TRMT11: variants seen among roughly 807,000 people sequenced by gnomAD.
The protein encoded by TRMT11 is tRNA (guanine(10)-N(2))-methyltransferase TRMT11.
In TRMT11, 53 loss-of-function variants were observed where a neutral mutation model predicts 62.8. The ratio of observed to expected loss-of-function variants is 0.84; its 90% CI spans 0.68 to 1.06. The LOEUF is 1.06. Ranked by LOEUF, TRMT11 falls within the 50% of genes least tolerant of loss-of-function variation. TRMT11 has a pLI of 0.00. For synonymous variants in TRMT11, 188 were observed against 190.3 expected (o/e 0.99, Z 0.10); for missense variants, 556 against 553.4 (o/e 1.00, Z -0.05).
downstream of TRMT11, among the ~76,000 whole-genome samples, chr6:126,203,927 G>GTT (rs1393590153): frequency 4.2e-5 from 6 of 141,890 alleles, no homozygotes; most frequent in African/African-American, 1.9e-4. Context: ...TTTTGTGTGT[G>GTT]TGTGTGTGTG....
chr6:126,095,673 G>A (rs937337735), intron 17 of TRMT11, among the ~76,000 whole-genome samples: 2 of 152,116 alleles, frequency 1.3e-5, no homozygotes, highest in Non-Finnish European at 2.9e-5. Context: ...GAGGAGGGGA[G>A]AGAAACCAAA....
chr6:126,055,745 C>T (rs1014540418), intron 17 of TRMT11, among the ~76,000 whole-genome samples: 2 of 152,154 alleles, frequency 1.3e-5, no homozygotes, highest in African/African-American at 4.8e-5. Context: ...TATGTTTCCT[C>T]CCATAAAGTT....
the TRMT11 span, among the ~76,000 whole-genome samples, chr6:126,232,423 T>C: frequency 1.3e-5 from 2 of 151,918 alleles, no homozygotes; most frequent in Non-Finnish European, 2.9e-5. Context: ...TTTTTTTTTT[T>C]CTGGTATCTT....
intron 11 of TRMT11, among the ~76,000 whole-genome samples, chr6:126,017,531 C>T (rs545723802): frequency 4.3e-4 from 66 of 152,190 alleles, no homozygotes; most frequent in Non-Finnish European, 8.8e-5. Context: ...TTGCCAGCAT[C>T]AAGATACTCT....
chr6:126,144,293 G>T (rs1364640015), intron 21 of TRMT11, among the ~76,000 whole-genome samples: 1 of 152,078 alleles, frequency 6.6e-6, no homozygotes, highest in African/African-American at 2.4e-5. Flanking sequence ...ACTTCCACAG[G>T]GCTAACATCC....
chr6:126,161,421 T>C (rs1417707167), intron 21 of TRMT11, among the ~76,000 whole-genome samples: 1 of 152,248 alleles, frequency 6.6e-6, no homozygotes, highest in Non-Finnish European at 1.5e-5. Context: ...TCATTCTTTA[T>C]TATAGCTGCA....
chr6:126,093,583 ATG>A lies in TRMT11; in HGVS notation c.*1438-19281_*1438-19280del, dbSNP rs1350793272. Among the ~76,000 whole-genome samples, 70 of 70,414 alleles carry A rather than the reference ATG, an allele frequency of 9.9e-4. 1 individual carries two copies. Among genetic ancestry groups the A allele is most frequent in the African/African-American group, 5.0e-3 (67 of 13,310 alleles). The allele number at this position is 70,414 out of a possible 152,430, so 46.2% of individuals were successfully genotyped here. Reference sequence around the variant, plus strand: ...CTCTAGTGTAGGTAACAGGATATGTATGTATATATATATATATATATATATAT... The same window carrying A: ...CTCTAGTGTAGGTAACAGGATATGTATATATATATATATATATATATATAT... On this transcript the variant is annotated intron_variant and NMD_transcript_variant, in intron 17 of 22. Coordinates refer to the TRMT11 transcript ENST00000648977.
chr6:126,236,243 T>G, the TRMT11 span, among the ~76,000 whole-genome samples: 12,665 of 152,284 alleles, frequency 0.083, 1,741 homozygotes, highest in African/African-American at 0.28. Flanking sequence ...ACTATCTTGC[T>G]TGGTTTTAAT....
In TRMT11 at chr6:125,993,966, T is replaced by C; in HGVS notation, c.138+144T>C. On this transcript the variant is annotated intron_variant, in intron 2 of 12. Transcript: ENST00000334379. ...AGGCAGTGGAATAAAGTGGATATTT[T>C]TGGAAAATTTGTGGTTTTGTTAAGT... is the stretch of plus-strand genomic sequence containing the variant. 6.5e-6 allele frequency: 3 copies of C among 464,992 alleles called. No homozygotes were observed. In the South Asian group the frequency reaches 1.6e-4, roughly 25 times the overall value. The allele number at this position is 464,992 out of a possible 1,614,324, so 28.8% of individuals were successfully genotyped here.
At chr6:126,268,748 T>C in the TRMT11 span, among the ~76,000 whole-genome samples, 1 of 152,158 alleles carries the variant, frequency 6.6e-6, no homozygotes, top group Non-Finnish European at 1.5e-5. Context: ...ACTTATTAAT[T>C]ACAGCTATTA....
At chr6:126,174,909 C>G (rs74880790), upstream of TRMT11, among the ~76,000 whole-genome samples, 766 of 152,296 alleles carry the variant, frequency 5.0e-3, 4 homozygotes, top group African/African-American at 0.018. Flanking sequence ...ATGGAGCACC[C>G]TGGTGAGTCC....
chr6:126,189,372 T>A (rs921399372), intron 1 of TRMT11, among the ~76,000 whole-genome samples: 3 of 152,162 alleles, frequency 2.0e-5, no homozygotes, highest in Admixed American at 2.0e-4. Flanking sequence ...CTTCTTCTGA[T>A]AAGAATCAGA....
intron 21 of TRMT11, among the ~76,000 whole-genome samples, chr6:126,152,541 C>T (rs1470998530): frequency 6.6e-6 from 1 of 152,134 alleles, no homozygotes; most frequent in Non-Finnish European, 1.5e-5. Context: ...GAAGAGATTA[C>T]TGGGAGACAC....
chr6:126,196,044 T>C (rs1370053137), intron 1 of TRMT11, among the ~76,000 whole-genome samples: 1 of 152,202 alleles, frequency 6.6e-6, no homozygotes, highest in African/African-American at 2.4e-5. Flanking sequence ...GGTTGCTGAA[T>C]TAACCAACCT....
intron 6 of TRMT11, among the ~76,000 whole-genome samples, 166 bp from the exon 7 acceptor site, chr6:125,999,291 G>T (rs571628895): frequency 6.6e-6 from 1 of 152,214 alleles, no homozygotes; most frequent in Non-Finnish European, 1.5e-5. Context: ...GCAATAAAAG[G>T]CTTTGTTCAT....
At chr6:126,195,999 G>A (rs1178774546) in intron 1 of TRMT11, among the ~76,000 whole-genome samples, 1 of 152,150 alleles carries the variant, frequency 6.6e-6, no homozygotes. Context: ...AAATCAGGAA[G>A]CTACAAGTAA....
intron 17 of TRMT11, among the ~76,000 whole-genome samples, chr6:126,066,314 A>T (rs542694523): frequency 6.6e-5 from 10 of 152,332 alleles, no homozygotes; most frequent in Non-Finnish European, 1.2e-4. Flanking sequence ...TTGGGCTGCC[A>T]TAACAGAATA....
rs145005638 is a variant in TRMT11 at position 126,161,389 on chromosome 6, C to T, written c.*1824-13436C>T. On this transcript the variant is annotated intron_variant and NMD_transcript_variant, in intron 21 of 22. Coordinates refer to the TRMT11 transcript ENST00000648977. ...GAAAGACAGTTTCCAGCTTCATCCA[C>T]GTCCCTGCAAAGGACATGAACTCAT... Among the ~76,000 whole-genome samples, 848 of 152,218 alleles carry T rather than the reference C, an allele frequency of 5.6e-3. 9 individuals are homozygous for T. The highest frequency in any genetic ancestry group is 0.019 in the African/African-American group (795 of 41,530).
chr6:126,081,443 A>G (rs565384407), intron 17 of TRMT11, among the ~76,000 whole-genome samples: 2 of 152,286 alleles, frequency 1.3e-5, no homozygotes, highest in East Asian at 1.9e-4. Context: ...ACATTACGAT[A>G]TTGACTGGCT....
Sources: gnomAD v4.1 joint callset for allele counts (sites outside exome capture counted in the v4.1 genomes callset) on GRCh38, gnomAD v4.1.1 for gene constraint, MANE v1.5 for transcripts, NCBI Gene and HGNC (gene_info 2026-07-23, HGNC 2026-07-21) for gene names.